Variants in SRFBP1 observed in about 807,000 individuals in gnomAD.
The protein encoded by SRFBP1 is serum response factor binding protein 1, also known as serum response factor-binding protein 1.
Under a neutral mutation model 45.5 loss-of-function variants are expected in SRFBP1, and 47 were observed. The observed-to-expected ratio is 1.03, with a 90% CI of 0.82 to 1.32. The LOEUF is 1.32. Among genes scored for constraint, SRFBP1 ranks in the 40% most tolerant of loss-of-function variants. The pLI is 0.00. For synonymous variants in SRFBP1, 203 were observed against 166.3 expected, an observed-to-expected ratio of 1.22 and a Z score of -1.70; for missense variants, 621 against 484.6, an observed-to-expected ratio of 1.28 and a Z score of -2.64.
intron 2 of SRFBP1, among the ~76,000 whole-genome samples, chr5:122,049,309 T>C (rs979077978): frequency 1.6e-4 from 24 of 152,072 alleles, no homozygotes; most frequent in Non-Finnish European, 3.5e-4. Context: ...AGGGATCAAT[T>C]CAACAAGAAG....
downstream of SRFBP1, among the ~76,000 whole-genome samples, chr5:122,030,954 CTG>C (rs1753580464): frequency 1.3e-5 from 2 of 152,088 alleles, no homozygotes; most frequent in African/African-American, 4.8e-5. Flanking sequence ...ATGCATAAAG[CTG>C]TGTGCATACT....
At chr5:122,037,144 C>T (rs535454545) in intron 2 of SRFBP1, among the ~76,000 whole-genome samples, 1 of 152,142 alleles carries the variant, frequency 6.6e-6, no homozygotes, top group Non-Finnish European at 1.5e-5. Flanking sequence ...GTGATCCGCC[C>T]GCCTTGGCCT....
chr5:122,073,332 A>G (rs1561418975), intron 2 of SRFBP1, among the ~76,000 whole-genome samples: 2 of 152,230 alleles, frequency 1.3e-5, no homozygotes, highest in African/African-American at 4.8e-5. Flanking sequence ...AAAAAAATCC[A>G]TCCAAACAAC....
downstream of SRFBP1, among the ~76,000 whole-genome samples, chr5:122,033,414 A>T (rs1753622355): frequency 1.3e-5 from 2 of 152,050 alleles, no homozygotes; most frequent in Non-Finnish European, 2.9e-5. Context: ...ATAGTTCAAA[A>T]ATCTTTCCTT....
Position 122,020,496 on chromosome 5 carries a change from G to T in SRFBP1, c.761G>T (p.Cys254Phe). 1 of 1,614,124 alleles carries T rather than the reference G, an allele frequency of 6.2e-7. No homozygotes were observed. The highest frequency in any genetic ancestry group is 8.5e-7 in the Non-Finnish European group (1 of 1,180,006). The stretch of plus-strand genomic sequence containing the variant: ...AACAGTGATGGCGGAGAAGAATTTT[G>T]TGAAGAGGAGAAGGAATATTTTGAT... ...SGNSDGGEEF[C>F]EEEKEYFDDS... The change falls in exon 6 of 8, where the codon TGT becomes TTT. Residue 254 changes from cysteine (C) to phenylalanine (F), a missense_variant. Cys to Phe is a radical substitution (Grantham distance 205). Transcript: ENST00000339397.
chr5:122,025,096 T>C (rs1352458839), intron 7 of SRFBP1, among the ~76,000 whole-genome samples: 1 of 152,156 alleles, frequency 6.6e-6, no homozygotes, highest in East Asian at 1.9e-4. Flanking sequence ...TATCTCCTAA[T>C]GCTATCCCTC....
At chr5:121,969,511 T>G (rs1752145669) in intron 1 of SRFBP1, among the ~76,000 whole-genome samples, 3 of 152,060 alleles carry the variant, frequency 2.0e-5, no homozygotes, top group Admixed American at 2.0e-4. Context: ...TCTCACATGG[T>G]CTTTTCTCAA....
At chr5:122,021,313 A>C (rs1457971840) in intron 6 of SRFBP1, among the ~76,000 whole-genome samples, 1 of 152,114 alleles carries the variant, frequency 6.6e-6, no homozygotes, top group Non-Finnish European at 1.5e-5. Flanking sequence ...GTTGCTCACC[A>C]CTTTTCATAG....
At chr5:122,012,599 C>T (rs978795961) in intron 4 of SRFBP1, among the ~76,000 whole-genome samples, 19 of 151,934 alleles carry the variant, frequency 1.3e-4, no homozygotes, top group Middle Eastern at 3.4e-3. Flanking sequence ...GTCATCAAGA[C>T]GAAATACAAA....
intron 1 of SRFBP1, among the ~76,000 whole-genome samples, chr5:121,970,382 TATC>T (rs950471535): frequency 2.0e-5 from 3 of 152,158 alleles, no homozygotes; most frequent in Non-Finnish European, 2.9e-5. Context: ...AATGGTATAT[TATC>T]ATCTCATGCA....
At chr5:122,009,186 A>C (rs1753038916) in intron 4 of SRFBP1, among the ~76,000 whole-genome samples, 1 of 152,136 alleles carries the variant, frequency 6.6e-6, no homozygotes, top group African/African-American at 2.4e-5. Context: ...GGTCATTTGC[A>C]TATCCACTTT....
chr5:122,055,533 A>C (rs2152579541), intron 2 of SRFBP1, among the ~76,000 whole-genome samples: 1 of 152,338 alleles, frequency 6.6e-6, no homozygotes, highest in African/African-American at 2.4e-5. Context: ...GTTGTCCAGC[A>C]TTGTCATGTT....
At chr5:122,061,430 G>T (rs1176970687) in intron 2 of SRFBP1, among the ~76,000 whole-genome samples, 2 of 150,186 alleles carry the variant, frequency 1.3e-5, no homozygotes, top group Non-Finnish European at 1.5e-5. Context: ...CAAATTTTGT[G>T]CCTACTTCCC....
intron 2 of SRFBP1, chr5:122,069,974 A>C: frequency 1.0e-6 from 1 of 997,606 alleles, no homozygotes; most frequent in Non-Finnish European, 1.6e-6. Context: ...GCAGAAACAG[A>C]TACATTCTAT....
Position 122,020,522 on chromosome 5 carries a change from G to C in SRFBP1, c.787G>C (p.Asp263His). 3.7e-6 allele frequency: 6 copies of C among 1,614,156 alleles called. No individual in the cohort carries two copies. The highest frequency in any genetic ancestry group is 5.1e-6 in the Non-Finnish European group (6 of 1,180,006). Residue 263 changes from aspartate (D) to histidine (H), a missense_variant, in exon 6 of 8, where the codon GAT (aspartate) becomes CAT (histidine). Coordinates refer to ENST00000339397, the MANE Select transcript of SRFBP1 (RefSeq NM_152546.3). ...TGAAGAGGAGAAGGAATATTTTGAT[G>C]ATAGCACAGAAGAAAGGTTTTACAA... ...FCEEEKEYFD[D>H]STEERFYKQS...
intron 1 of SRFBP1, among the ~76,000 whole-genome samples, chr5:121,965,888 G>A (rs904360999): frequency 2.6e-5 from 4 of 151,980 alleles, no homozygotes; most frequent in Non-Finnish European, 5.9e-5. Flanking sequence ...TGTAGTTCTT[G>A]AAGAGGTCCT....
intron 4 of SRFBP1, among the ~76,000 whole-genome samples, chr5:122,011,204 T>G (rs955495023): frequency 6.6e-6 from 1 of 152,158 alleles, no homozygotes; most frequent in Non-Finnish European, 1.5e-5. Context: ...TTTTCATTTT[T>G]GGGTTATTTA....
chr5:122,006,950 G>A (rs1752987598), intron 4 of SRFBP1, among the ~76,000 whole-genome samples: 1 of 151,992 alleles, frequency 6.6e-6, no homozygotes, highest in African/African-American at 2.4e-5. Flanking sequence ...TTTTTGTCGT[G>A]TTGTATCTCT....
rs1183641947 is a variant in SRFBP1 at position 122,027,224 on chromosome 5, A to G, written c.*98A>G. ...TGCCCAGACTAGAGTACAATATTGC[A>G]ATCACAGCTCACTGCAGCCTCAAAC... is the stretch of plus-strand genomic sequence containing the variant. On this transcript the variant is annotated 3_prime_UTR_variant, in exon 8 of 8. Coordinates refer to ENST00000339397, the MANE Select transcript of SRFBP1 (RefSeq NM_152546.3). 3 of 982,632 alleles carry G rather than the reference A, an allele frequency of 3.1e-6. No individual in the cohort carries two copies. The highest frequency in any genetic ancestry group is 1.7e-5 in the African/African-American group (1 of 60,040). 60.9% of individuals were successfully genotyped at this position (982,632 alleles called of 1,614,324 possible).
Sources: gnomAD v4.1 joint callset for allele counts (sites outside exome capture counted in the v4.1 genomes callset) on GRCh38, gnomAD v4.1.1 for gene constraint, MANE v1.5 for transcripts, NCBI Gene and HGNC (gene_info 2026-07-23, HGNC 2026-07-21) for gene names.